VANGL2: variants seen among roughly 807,000 people sequenced by gnomAD.
The protein encoded by VANGL2 is VANGL planar cell polarity protein 2.
VANGL2 carries 14 observed loss-of-function variants against 50.2 expected under a neutral mutation model. That is an observed-to-expected ratio of 0.28 (90% CI 0.18 to 0.44). The LOEUF is 0.44. Ranked by LOEUF, VANGL2 falls within the 20% of genes least tolerant of loss-of-function variation. VANGL2 has a pLI of 1.00. For missense variants in VANGL2, 533 were observed against 701.5 expected (o/e 0.76, Z 2.71); for synonymous variants, 295 against 297.2 (o/e 0.99, Z 0.08).
chr1:160,410,684 A>G (rs547307661), intron 1 of VANGL2, among the ~76,000 whole-genome samples: 1 of 140,810 alleles, frequency 7.1e-6, no homozygotes, highest in African/African-American at 2.5e-5. Flanking sequence ...ATACACACAC[A>G]CACACACACA....
chr1:160,420,968 C>T, intron 5 of VANGL2, 84 bp from the exon 6 acceptor site: 1 of 1,585,460 alleles, frequency 6.3e-7, no homozygotes, highest in Non-Finnish European at 8.6e-7. Context: ...CTGGACATGT[C>T]AGGCTGCTGT....
At chr1:160,414,541 G>C (rs1164606892) in intron 1 of VANGL2, among the ~76,000 whole-genome samples, 3 of 152,150 alleles carry the variant, frequency 2.0e-5, no homozygotes, top group Non-Finnish European at 4.4e-5. Flanking sequence ...TTGCTGTTCT[G>C]CCCTTCCATC....
At chr1:160,416,301 G>T in intron 3 of VANGL2, 119 bp downstream of exon 3, 1 of 1,550,270 alleles carries the variant, frequency 6.5e-7, no homozygotes, top group Non-Finnish European at 8.8e-7. Context: ...CATCAGATCG[G>T]GGAGTGTGTT....
At chr1:160,414,595 G>C (rs1650990665) in intron 1 of VANGL2, among the ~76,000 whole-genome samples, 1 of 152,064 alleles carries the variant, frequency 6.6e-6, no homozygotes, top group Non-Finnish European at 1.5e-5. Context: ...TACTTGTTTG[G>C]TGTGCCCCTT....
chr1:160,425,510 C>T lies in VANGL2; in HGVS notation c.*132C>T. On this transcript the variant is annotated 3_prime_UTR_variant, in exon 8 of 8. Coordinates refer to ENST00000368061, the MANE Select transcript of VANGL2 (RefSeq NM_020335.3). ...TCTTTTTTTTTTACTTGAATTAACGCACCCCCACCTTCTCTCCTCGCTTCT... is the reference window on the plus strand; with the variant it reads ...TCTTTTTTTTTTACTTGAATTAACGTACCCCCACCTTCTCTCCTCGCTTCT... The T allele has an allele frequency of 1.2e-6, 1 of 840,492 alleles. No individual in the cohort carries two copies. The highest frequency in any genetic ancestry group is 1.8e-6 in the Non-Finnish European group (1 of 556,320). The allele number at this position is 840,492 out of a possible 1,614,324, so 52.1% of individuals were successfully genotyped here. A position where few individuals can be genotyped will look rare whatever the true frequency, so the allele number is the denominator to read the frequency against.
chr1:160,408,578 T>C (rs1650767809), intron 1 of VANGL2, among the ~76,000 whole-genome samples: 1 of 152,096 alleles, frequency 6.6e-6, no homozygotes, highest in South Asian at 2.1e-4. Flanking sequence ...ACCCCTCCTC[T>C]GCCACTCAGC....
intron 1 of VANGL2, among the ~76,000 whole-genome samples, chr1:160,403,459 C>T (rs185404408): frequency 1.8e-4 from 28 of 152,302 alleles, no homozygotes; most frequent in African/African-American, 5.3e-4. Context: ...CTAATTCTTC[C>T]GGGGCAGGCC....
At chr1:160,409,491 T>C (rs933666830) in intron 1 of VANGL2, among the ~76,000 whole-genome samples, 1 of 152,070 alleles carries the variant, frequency 6.6e-6, no homozygotes, top group Admixed American at 6.6e-5. Context: ...AGGGGAATGA[T>C]ATGGGCATAG....
In VANGL2 at chr1:160,426,194, C is replaced by T. The variant is rs1651449028; in HGVS notation, c.*816C>T. The T allele has an allele frequency of 6.5e-6, 1 of 152,674 alleles. No homozygotes were observed. The highest frequency in any genetic ancestry group is 2.1e-4 in the South Asian group (1 of 4,834). The allele number at this position is 152,674 out of a possible 1,614,324, so 9.5% of individuals were successfully genotyped here. A position where few individuals can be genotyped will look rare whatever the true frequency, so the allele number is the denominator to read the frequency against. On this transcript the variant is annotated 3_prime_UTR_variant, in exon 8 of 8. Coordinates refer to ENST00000368061, the MANE Select transcript of VANGL2 (RefSeq NM_020335.3). ...ATCCCTGAGGTTTTGGAGAGACCCCCATCACTGACTCCTGCTCCCTAACCC... is the reference window on the plus strand; with the variant it reads ...ATCCCTGAGGTTTTGGAGAGACCCCTATCACTGACTCCTGCTCCCTAACCC...
At chr1:160,424,031 C>T in intron 6 of VANGL2, 21 bp from the exon 7 acceptor site, 1 of 1,613,288 alleles carries the variant, frequency 6.2e-7, no homozygotes, top group Non-Finnish European at 8.5e-7. Context: ...GCATCTGGCC[C>T]AGTCCCCTCC....
chr1:160,425,099 C>T lies in VANGL2; in HGVS notation c.1306-19C>T. The T allele has an allele frequency of 6.2e-7, 1 of 1,613,952 alleles. No individual in the cohort carries two copies. The highest frequency in any genetic ancestry group is 8.5e-7 in the Non-Finnish European group (1 of 1,179,892). ...GTAGATGACAGAGATTCTTATGCAG[C>T]CCCTTCTTTCCACTTCAGGCCTTCT... On this transcript the variant is annotated intron_variant, in intron 7 of 7. Transcript: ENST00000368061.
At chr1:160,417,915 T>A (rs1312211085) in intron 3 of VANGL2, among the ~76,000 whole-genome samples, 1 of 150,836 alleles carries the variant, frequency 6.6e-6, no homozygotes, top group Non-Finnish European at 1.5e-5. Context: ...ATAATTTTTT[T>A]TTTTTTTTTT....
Position 160,428,495 on chromosome 1 carries a change from C to A in VANGL2, c.*3117C>A, listed in dbSNP as rs1651551862. On this transcript the variant is annotated 3_prime_UTR_variant, in exon 8 of 8. Coordinates refer to ENST00000368061, the MANE Select transcript of VANGL2 (RefSeq NM_020335.3). Reference sequence around the variant, plus strand: ...GGGGGTGGGGTTACAGAGCTGAGACCTTGTGCATGCATGTAGAAAATTGTA... The same window carrying A: ...GGGGGTGGGGTTACAGAGCTGAGACATTGTGCATGCATGTAGAAAATTGTA... 1 of 152,118 alleles carries A rather than the reference C, an allele frequency of 6.6e-6. No homozygotes were observed. 9.4% of individuals were successfully genotyped at this position (152,118 alleles called of 1,614,324 possible). A position where few individuals can be genotyped will look rare whatever the true frequency, so the allele number is the denominator to read the frequency against.
chr1:160,415,220 T>A (rs1238619937), intron 1 of VANGL2, among the ~76,000 whole-genome samples: 3 of 152,006 alleles, frequency 2.0e-5, no homozygotes, highest in African/African-American at 7.3e-5. Flanking sequence ...AGGCCTGGGG[T>A]AGCCCCTGGA....
intron 6 of VANGL2, 110 bp from the exon 7 acceptor site, chr1:160,423,942 G>C (rs1474289321): frequency 4.1e-6 from 5 of 1,214,570 alleles, no homozygotes. Context: ...CTTTGGGTGA[G>C]CACAAAGGCC....
chr1:160,404,438 A>C (rs1007571377), intron 1 of VANGL2, among the ~76,000 whole-genome samples: 3 of 152,102 alleles, frequency 2.0e-5, no homozygotes, highest in African/African-American at 7.2e-5. Flanking sequence ...ATAGGAAATA[A>C]ACCATTTTAA....
At chr1:160,420,030 G>A (rs1457389543) in intron 4 of VANGL2, among the ~76,000 whole-genome samples, 1 of 152,114 alleles carries the variant, frequency 6.6e-6, no homozygotes, top group Non-Finnish European at 1.5e-5. Flanking sequence ...CAGAGAAAGA[G>A]ATAAGGAGGA....
chr1:160,425,212 C>T lies in VANGL2; in HGVS notation c.1400C>T (p.Pro467Leu). The T allele has an allele frequency of 3.1e-6, 5 of 1,614,124 alleles. No homozygotes were observed. Among genetic ancestry groups the T allele is most frequent in the Non-Finnish European group, 4.2e-6 (5 of 1,180,022 alleles). ...AKQWTLVSEE[P>L]VTNGLKDGIV... ...CAGTGGACATTGGTGAGCGAGGAGC[C>T]GGTGACCAACGGCCTCAAGGATGGC... The change falls in exon 8 of 8, where the codon CCG (proline) becomes CTG (leucine). Residue 467 changes from proline (P) to leucine (L), a missense_variant. Coordinates refer to ENST00000368061, the MANE Select transcript of VANGL2 (RefSeq NM_020335.3).
chr1:160,413,416 A>G (rs1650948934), intron 1 of VANGL2, among the ~76,000 whole-genome samples: 1 of 151,954 alleles, frequency 6.6e-6, no homozygotes, highest in Admixed American at 6.5e-5. Context: ...AGTAGCTGGG[A>G]TTACAGGCAC....
Sources: gnomAD v4.1 joint callset for allele counts (sites outside exome capture counted in the v4.1 genomes callset) on GRCh38, gnomAD v4.1.1 for gene constraint, MANE v1.5 for transcripts, NCBI Gene and HGNC (gene_info 2026-07-23, HGNC 2026-07-21) for gene names.